The following TIAM1 variants were observed in gnomAD, a reference collection of about 807,000 sequenced individuals.
TIAM1 encodes the protein TIAM Rac1 associated GEF 1, also known as rho guanine nucleotide exchange factor TIAM1.
TIAM1 carries 65 observed loss-of-function variants against 163.5 expected under a neutral mutation model. That is an observed-to-expected ratio of 0.40 (90% CI 0.33 to 0.49). TIAM1 has a LOEUF of 0.49. Among genes scored for constraint, TIAM1 ranks in the 20% least tolerant of loss-of-function variants. The pLI is 0.77. For missense variants in TIAM1, 1,789 were observed against 2,044.7 expected, an observed-to-expected ratio of 0.87 and a Z score of 2.41; for synonymous variants, 833 against 810.1, an observed-to-expected ratio of 1.03 and a Z score of -0.48.
Position 31,141,118 on chromosome 21 carries a change from C to A in TIAM1, c.3774G>T (p.Glu1258Asp), listed in dbSNP as rs751791849. The change falls in exon 22 of 28, where the codon GAG becomes GAT. Residue 1258 changes from glutamate (E) to aspartate (D), a missense_variant and splice_region_variant. Transcript: ENST00000541036. The surrounding 1 kb of genome is among the most constrained non-coding windows in gnomAD (Gnocchi z 4.7). The part of the protein sequence containing the change: ...LIAEQTGEKK[E>D]VADLSMGDLL... ...GTCCTGAGAAGATGGGGACCCTCAC[C>A]TCTTTTTTCTCACCAGTCTGTTCAG... The A allele has an allele frequency of 6.2e-7, 1 of 1,611,374 alleles. No individual in the cohort carries two copies. The highest frequency in any genetic ancestry group is 1.3e-5 in the African/African-American group (1 of 74,960).
Position 31,423,090 on chromosome 21 carries a change from CTTTTTTTTTTTTT to C in TIAM1, c.-369+40880_-369+40892del, listed in dbSNP as rs11356685. ...ATAAGAGAACTGTGAACAGCACTAT[CTTTTTTTTTTTTT>C]TTTTTTTTTTTTTGAGACGGAGTCT... On this transcript the variant is annotated intron_variant, in intron 2 of 28. Transcript: ENST00000286827. 3.6e-3 allele frequency among the ~76,000 whole-genome samples: 196 copies of C among 54,638 alleles called. 3 individuals carry two copies. Among genetic ancestry groups the C allele is most frequent in the East Asian group, 4.7e-3 (7 of 1,474 alleles). The allele number at this position is 54,638 out of a possible 152,430, so 35.8% of individuals were successfully genotyped here.
At chr21:31,408,640 C>T (rs2077289888) in intron 2 of TIAM1, among the ~76,000 whole-genome samples, 1 of 152,200 alleles carries the variant, frequency 6.6e-6, no homozygotes. Context: ...AATTCTGACA[C>T]TCTCATCAAC....
At chr21:31,408,209 CTTTT>C in intron 2 of TIAM1, among the ~76,000 whole-genome samples, 1 of 152,292 alleles carries the variant, frequency 6.6e-6, no homozygotes, top group Admixed American at 6.5e-5. Context: ...GTCTATCCTT[CTTTT>C]GTTTATATTT....
intron 4 of TIAM1, among the ~76,000 whole-genome samples, chr21:31,263,904 C>T (rs1169419389): frequency 6.6e-6 from 1 of 152,136 alleles, no homozygotes; most frequent in African/African-American, 2.4e-5. Flanking sequence ...TTTAATAGGT[C>T]ACATATCTCC....
chr21:31,487,605 C>T (rs1199127198), intron 1 of TIAM1, among the ~76,000 whole-genome samples: 4 of 142,972 alleles, frequency 2.8e-5, no homozygotes, highest in South Asian at 4.5e-4. Flanking sequence ...GGCCGGACTG[C>T]GGACTGCAGT....
intron 2 of TIAM1, among the ~76,000 whole-genome samples, chr21:31,307,653 T>G (rs2074766232): frequency 6.6e-6 from 1 of 151,840 alleles, no homozygotes; most frequent in African/African-American, 2.4e-5. Flanking sequence ...TTAATAAAGG[T>G]CTCCCCTTTT....
intron 1 of TIAM1, among the ~76,000 whole-genome samples, chr21:31,468,253 A>C (rs1475621757): frequency 6.6e-6 from 1 of 151,954 alleles, no homozygotes; most frequent in Non-Finnish European, 1.5e-5. Flanking sequence ...AGGCAGGCGG[A>C]TCACTGGAGG....
At chr21:31,121,213 G>A (rs1297394959) in intron 27 of TIAM1, among the ~76,000 whole-genome samples, 1 of 152,108 alleles carries the variant, frequency 6.6e-6, no homozygotes. Flanking sequence ...CACTGATTTG[G>A]GGATCAGTTA....
rs534932786 is a variant in TIAM1 at position 31,512,427 on chromosome 21, C to T, written c.-422+46500G>A. On this transcript the variant is annotated intron_variant, in intron 1 of 28. Transcript: ENST00000286827. ...AATTTTATTTTTACTGTTGTCACAA[C>T]AGCACTATATAAATCAATGAATGGC... 3.3e-5 allele frequency among the ~76,000 whole-genome samples: 5 copies of T among 151,996 alleles called. No individual in the cohort carries two copies. In the East Asian group the frequency reaches 9.7e-4, roughly 30 times the overall value.
At position 31,430,161 on chromosome 21, in the gene TIAM1, G is replaced by A. The variant is rs564638751; in HGVS notation, c.-369+33822C>T. Reference sequence around the variant, plus strand: ...ATGGAGGTTGCAGTGAGCCGAGGTCGCGCCATTGCACTCCAGCCTGGGCAA... The same window carrying A: ...ATGGAGGTTGCAGTGAGCCGAGGTCACGCCATTGCACTCCAGCCTGGGCAA... On this transcript the variant is annotated intron_variant, in intron 2 of 28. Coordinates refer to the TIAM1 transcript ENST00000286827. 9.4e-5 allele frequency among the ~76,000 whole-genome samples: 14 copies of A among 148,934 alleles called. No individual in the cohort carries two copies. The East Asian group carries it at 2.8e-3, about 30-fold the overall frequency.
At chr21:31,400,594 T>C (rs1191166005) in intron 2 of TIAM1, among the ~76,000 whole-genome samples, 1 of 152,184 alleles carries the variant, frequency 6.6e-6, no homozygotes, top group Non-Finnish European at 1.5e-5. Context: ...CTCAACGACA[T>C]GATGAGACAG....
chr21:31,139,629 T>C (rs543022545), intron 22 of TIAM1, among the ~76,000 whole-genome samples: 2 of 152,320 alleles, frequency 1.3e-5, no homozygotes, highest in South Asian at 2.1e-4. Context: ...TTTCTTCTTA[T>C]AAAGTTTTAT....
intron 6 of TIAM1, among the ~76,000 whole-genome samples, chr21:31,245,221 C>A (rs1390700114): frequency 6.6e-6 from 1 of 152,000 alleles, no homozygotes; most frequent in Non-Finnish European, 1.5e-5. Flanking sequence ...TCATGACAAA[C>A]AGAGCAAGTT....
At chr21:31,450,027 T>G (rs945262) in intron 2 of TIAM1, among the ~76,000 whole-genome samples, 14,781 of 152,064 alleles carry the variant, frequency 0.097, 969 homozygotes, top group East Asian at 0.14. Context: ...GCCTCTTCCC[T>G]CCCCACAGAA....
At chr21:31,556,183 A>G (rs868523986) in intron 1 of TIAM1, among the ~76,000 whole-genome samples, 3 of 152,164 alleles carry the variant, frequency 2.0e-5, no homozygotes, top group African/African-American at 7.2e-5. Flanking sequence ...AATTCCCAGA[A>G]CAAGTACAAG....
In TIAM1 at chr21:31,266,707, A is replaced by G; in HGVS notation, c.266T>C (p.Ile89Thr). The G allele has an allele frequency of 6.2e-7, 1 of 1,614,170 alleles. No individual in the cohort carries two copies. Among genetic ancestry groups the G allele is most frequent in the African/African-American group, 1.3e-5 (1 of 75,064 alleles). ...DGTLEDFGSP[I>T]WVDRVDMGLR... Reference sequence around the variant, plus strand: ...GCCCATGTCCACTCGGTCCACCCAGATGGGGCTCCCGAAGTCTTCTAGGGT... The same window carrying G: ...GCCCATGTCCACTCGGTCCACCCAGGTGGGGCTCCCGAAGTCTTCTAGGGT... The change falls in exon 4 of 28, where the codon ATC becomes ACC. Residue 89 changes from isoleucine to threonine, a missense_variant. Coordinates refer to ENST00000541036, the MANE Select transcript of TIAM1 (RefSeq NM_001353694.2).
At chr21:31,260,231 T>C (rs1322886521) in intron 4 of TIAM1, among the ~76,000 whole-genome samples, 5 of 145,074 alleles carry the variant, frequency 3.4e-5, no homozygotes, top group African/African-American at 1.2e-4. Flanking sequence ...AATATATATA[T>C]ACACATATAT....
At chr21:31,507,864 T>C (rs1602447952) in intron 1 of TIAM1, among the ~76,000 whole-genome samples, 1 of 152,124 alleles carries the variant, frequency 6.6e-6, no homozygotes, top group East Asian at 1.9e-4. Context: ...TTGAGTGCCT[T>C]AAAAGATATG....
chr21:31,175,071 T>C (rs1210830144), intron 15 of TIAM1, among the ~76,000 whole-genome samples: 2 of 152,278 alleles, frequency 1.3e-5, no homozygotes, highest in East Asian at 3.9e-4. Flanking sequence ...GCTGCCTGAG[T>C]AGCTGGGACT....
Sources: gnomAD v4.1 joint callset for allele counts (sites outside exome capture counted in the v4.1 genomes callset) on GRCh38, gnomAD v4.1.1 for gene constraint, Gnocchi (gnomAD v3.1) non-coding constraint, MANE v1.5 for transcripts, NCBI Gene and HGNC (gene_info 2026-07-23, HGNC 2026-07-21) for gene names.